PTP4A1: variants seen among roughly 807,000 people sequenced by gnomAD.
PTP4A1 encodes protein tyrosine phosphatase type IVA 1.
Under a neutral mutation model 20.5 loss-of-function variants are expected in PTP4A1, and 9 were observed. The ratio of observed to expected loss-of-function variants is 0.44; its 90% confidence interval spans 0.26 to 0.77. The LOEUF is 0.77. Among genes scored for constraint, PTP4A1 ranks in the 30% least tolerant of loss-of-function variants. The probability of loss-of-function intolerance (pLI) is 0.19; values close to 1 mark genes in which losing one functional copy is unlikely to be tolerated. For synonymous variants in PTP4A1, 78 were observed against 67.4 expected (o/e 1.16, Z -0.77); for missense variants, 137 against 218.8 (o/e 0.63, Z 2.36).
At chr6:63,549,566 GT>G (rs975307539) in intron 2 of PTP4A1, 1,331 of 493,490 alleles carry the variant, frequency 2.7e-3, no homozygotes, top group South Asian at 5.3e-3. Context: ...AAGATTTGAA[GT>G]TTTTTTTTTT....
chr6:63,535,987 G>C (rs1775707300), intron 2 of PTP4A1, among the ~76,000 whole-genome samples: 1 of 151,980 alleles, frequency 6.6e-6, no homozygotes, highest in Admixed American at 6.5e-5. Context: ...TGGCCAGGGT[G>C]GCCTGGAACT....
At chr6:63,526,819 A>G (rs1323299615) in intron 1 of PTP4A1, among the ~76,000 whole-genome samples, 3 of 142,766 alleles carry the variant, frequency 2.1e-5, no homozygotes, top group South Asian at 4.4e-4. Context: ...ATATATATAT[A>G]TATATATATA....
intron 2 of PTP4A1, among the ~76,000 whole-genome samples, chr6:63,528,659 G>A (rs544950016): frequency 6.6e-6 from 1 of 152,116 alleles, no homozygotes; most frequent in South Asian, 2.1e-4. Context: ...TACTCAGGAG[G>A]CTGAAGTGGG....
intron 2 of PTP4A1, among the ~76,000 whole-genome samples, chr6:63,539,084 G>A (rs1775840960): frequency 6.6e-6 from 1 of 151,912 alleles, no homozygotes. Flanking sequence ...GTAGAGTAGA[G>A]GTTTCACCAT....
rs1271251863 is a variant in PTP4A1, at chr6:63,583,087, C to T, written c.*2913C>T. 2.0e-5 allele frequency: 3 copies of T among 152,084 alleles called. No individual in the cohort carries two copies. Among genetic ancestry groups the T allele is most frequent in the Non-Finnish European group, 4.4e-5 (3 of 68,018 alleles). 9.4% of individuals were successfully genotyped at this position (152,084 alleles called of 1,614,324 possible). A position where few individuals can be genotyped will look rare whatever the true frequency, so the allele number is the denominator to read the frequency against. On this transcript the variant is annotated 3_prime_UTR_variant, in exon 6 of 6. Coordinates refer to ENST00000626021, the MANE Select transcript of PTP4A1 (RefSeq NM_003463.5). ...AGATGGTGTCACCAGATTTTGGTCACCAATGAGTACCCGACCCGTTGCCAT... is the reference window on the plus strand; with the variant it reads ...AGATGGTGTCACCAGATTTTGGTCATCAATGAGTACCCGACCCGTTGCCAT...
At chr6:63,578,202 T>C (rs553232905) in intron 2 of PTP4A1, among the ~76,000 whole-genome samples, 23 of 152,362 alleles carry the variant, frequency 1.5e-4, no homozygotes, top group Admixed American at 1.2e-3. Flanking sequence ...AGGAAAACTT[T>C]TCCAGTTTAT....
At chr6:63,539,758 ACT>A (rs1475714948) in intron 2 of PTP4A1, among the ~76,000 whole-genome samples, 2 of 149,388 alleles carry the variant, frequency 1.3e-5, no homozygotes, top group Non-Finnish European at 3.0e-5. Flanking sequence ...ACAGAGTGAG[ACT>A]CTGTCTCAAA....
Position 63,529,149 on chromosome 6 carries a change from G to GTA in PTP4A1, c.-640+1073_-640+1074dup, listed in dbSNP as rs1351011372. ...TATATATGTGTGTGTATATATATATGTATATATATGTGTGTATATATATAT... is the reference window on the plus strand; with the variant it reads ...TATATATGTGTGTGTATATATATATGTATATATATATGTGTGTATATATATAT... On this transcript the variant is annotated intron_variant, in intron 2 of 3. Coordinates refer to the PTP4A1 transcript ENST00000639568. Among the ~76,000 whole-genome samples the GTA allele has an allele frequency of 6.4e-5, 7 of 108,782 alleles. No homozygotes were observed. The South Asian group carries it at 1.8e-3, about 28-fold the overall frequency. 71.4% of individuals were successfully genotyped at this position (108,782 alleles called of 152,430 possible). A position where few individuals can be genotyped will look rare whatever the true frequency, so the allele number is the denominator to read the frequency against.
chr6:63,579,367 T>C (rs759494329), intron 5 of PTP4A1, 36 bp downstream of exon 5: 3 of 1,489,686 alleles, frequency 2.0e-6, no homozygotes, highest in Admixed American at 1.9e-5. Flanking sequence ...TGTACTCTCT[T>C]TCATTTCCTT....
chr6:63,529,107 GTA>G (rs1178519895), intron 2 of PTP4A1, among the ~76,000 whole-genome samples: 7 of 143,730 alleles, frequency 4.9e-5, no homozygotes, highest in Non-Finnish European at 7.5e-5. Context: ...ATATATGTGT[GTA>G]TATATATATA....
At chr6:63,519,154 A>G (rs1774833018), upstream of PTP4A1, among the ~76,000 whole-genome samples, 2 of 152,168 alleles carry the variant, frequency 1.3e-5, no homozygotes, top group Non-Finnish European at 1.5e-5. Flanking sequence ...CTAAAATACA[A>G]AAATTAGCTG....
chr6:63,535,433 A>T (rs1033375630), intron 2 of PTP4A1, among the ~76,000 whole-genome samples: 1 of 152,146 alleles, frequency 6.6e-6, no homozygotes, highest in East Asian at 1.9e-4. Flanking sequence ...GCACCACTGC[A>T]CTCCAGCCTA....
At chr6:63,552,210 T>G (rs1436574236) in intron 3 of PTP4A1, among the ~76,000 whole-genome samples, 1 of 152,238 alleles carries the variant, frequency 6.6e-6, no homozygotes, top group Non-Finnish European at 1.5e-5. Context: ...ACCTGTTATT[T>G]CAATGATTGG....
intron 2 of PTP4A1, among the ~76,000 whole-genome samples, chr6:63,535,120 A>T (rs1775662677): frequency 6.6e-6 from 1 of 152,092 alleles, no homozygotes; most frequent in East Asian, 1.9e-4. Flanking sequence ...TTAGGTAATA[A>T]AATACATGGG....
intron 3 of PTP4A1, among the ~76,000 whole-genome samples, chr6:63,565,751 C>T (rs1424156780): frequency 1.3e-5 from 2 of 152,000 alleles, no homozygotes; most frequent in African/African-American, 4.8e-5. Context: ...TCTAAATTTC[C>T]CACAGAAATT....
intron 3 of PTP4A1, among the ~76,000 whole-genome samples, chr6:63,551,007 A>C (rs1776415828): frequency 6.6e-6 from 1 of 151,994 alleles, no homozygotes; most frequent in Non-Finnish European, 1.5e-5. Flanking sequence ...TGGACCTCTT[A>C]GAAAATGTTG....
At chr6:63,566,388 C>T (rs1215204803) in intron 3 of PTP4A1, among the ~76,000 whole-genome samples, 1 of 152,114 alleles carries the variant, frequency 6.6e-6, no homozygotes, top group Non-Finnish European at 1.5e-5. Flanking sequence ...GAATTCGGCT[C>T]AGGGTCGGGG....
intron 2 of PTP4A1, chr6:63,548,817 T>G: frequency 1.3e-6 from 1 of 745,970 alleles, no homozygotes; most frequent in Non-Finnish European, 2.4e-6. Flanking sequence ...GCGGATCTCA[T>G]TGTATCTGTC....
upstream of PTP4A1, chr6:63,572,392 T>G (rs1278579242): frequency 9.0e-6 from 3 of 331,996 alleles, no homozygotes; most frequent in African/African-American, 6.4e-5. Flanking sequence ...GCCTGTCGGC[T>G]CCTGGCCCGC....
Sources: allele counts gnomAD v4.1 joint callset (sites outside exome capture counted in the v4.1 genomes callset), GRCh38; gene constraint gnomAD v4.1.1; transcripts MANE v1.5; gene names NCBI Gene and HGNC (gene_info 2026-07-23, HGNC 2026-07-21).